Variants in COTL1 observed in about 807,000 individuals in gnomAD.
COTL1 encodes the protein coactosin-like protein.
A neutral mutation model predicts 16.5 loss-of-function variants in COTL1; 15 were observed. That is an observed-to-expected ratio of 0.91 (90% confidence interval 0.61 to 1.40). The LOEUF (loss-of-function observed/expected upper bound fraction) is 1.40. COTL1 is among the 40% of genes most tolerant of loss of function. The pLI, the probability that COTL1 is intolerant of heterozygous loss-of-function variation, is 0.00. For synonymous variants in COTL1, 112 were observed against 85.3 expected (o/e 1.31, Z -1.73); for missense variants, 220 against 201.5 (o/e 1.09, Z -0.56).
Position 84,566,565 on chromosome 16 carries a change from G to GAC in COTL1, c.*278_*279dup, listed in dbSNP as rs780718634. 3.5e-4 allele frequency: 130 copies of GAC among 374,392 alleles called. 1 individual carries two copies. The highest frequency in any genetic ancestry group is 6.0e-4 in the Non-Finnish European group (122 of 204,410). 23.2% of individuals were successfully genotyped at this position (374,392 alleles called of 1,614,324 possible). A position where few individuals can be genotyped will look rare whatever the true frequency, so the allele number is the denominator to read the frequency against. On this transcript the variant is annotated 3_prime_UTR_variant, in exon 4 of 4. Transcript: ENST00000262428. ...GCACCTCGGATCTGATGGCAGGCAG[G>GAC]ACCTTGCATCAAAATGACTTTTCTT...
intron 3 of COTL1, among the ~76,000 whole-genome samples, chr16:84,586,979 C>T (rs1412395991): frequency 1.3e-5 from 2 of 152,128 alleles, no homozygotes; most frequent in East Asian, 1.9e-4. Context: ...CTGGCGAGCC[C>T]CCTCCCTCTG....
intron 2 of COTL1, among the ~76,000 whole-genome samples, chr16:84,609,099 C>T (rs929470212): frequency 2.6e-5 from 4 of 152,156 alleles, no homozygotes; most frequent in African/African-American, 9.7e-5. Flanking sequence ...TCTCTCCTTC[C>T]CTTCTCGCCC....
chr16:84,615,323 C>G (rs759315879), intron 2 of COTL1, among the ~76,000 whole-genome samples: 11 of 152,226 alleles, frequency 7.2e-5, no homozygotes, highest in Non-Finnish European at 1.5e-4. Context: ...ACTCCCATCC[C>G]TGGGGGGCAG....
In COTL1 at chr16:84,590,460, G is replaced by T; in HGVS notation, c.161-198C>A. 1.9e-6 allele frequency: 1 copy of T among 525,172 alleles called. No homozygotes were observed. Among genetic ancestry groups the T allele is most frequent in the South Asian group, 3.0e-5 (1 of 33,498 alleles). 32.5% of individuals were successfully genotyped at this position (525,172 alleles called of 1,614,324 possible). ...CCTTGTCACACTCCCCTGAATCCTG[G>T]CAACAGTGCTGCAGGCTTCATGCCC... On this transcript the variant is annotated intron_variant, in intron 2 of 3. Transcript: ENST00000262428. The surrounding 1 kb of genome is among the most constrained non-coding windows in gnomAD (Gnocchi z 5.5).
At chr16:84,583,215 C>T (rs1182864372) in intron 3 of COTL1, among the ~76,000 whole-genome samples, 1 of 152,178 alleles carries the variant, frequency 6.6e-6, no homozygotes, top group Non-Finnish European at 1.5e-5. Context: ...TCAGCTTCTT[C>T]GGATCCCAAG....
At chr16:84,613,282 G>A (rs1022871840) in intron 2 of COTL1, among the ~76,000 whole-genome samples, 1 of 152,164 alleles carries the variant, frequency 6.6e-6, no homozygotes, top group African/African-American at 2.4e-5. Context: ...TTACAGGCAT[G>A]AGCCACGGCG....
intron 3 of COTL1, among the ~76,000 whole-genome samples, chr16:84,579,300 C>A (rs771150900): frequency 6.6e-6 from 1 of 152,230 alleles, no homozygotes; most frequent in Non-Finnish European, 1.5e-5. Flanking sequence ...AGTTCGCGAC[C>A]AGTCTGGCCA....
intron 2 of COTL1, among the ~76,000 whole-genome samples, chr16:84,591,872 T>TAAAATAAAATAAAATAAAAG (rs1274878263): frequency 1.0e-5 from 1 of 96,020 alleles, no homozygotes; most frequent in Non-Finnish European, 2.1e-5. Context: ...TAAAATAAAA[T>TAAAATAAAATAAAATAAAAG]AAAATAAAAA....
intron 2 of COTL1, among the ~76,000 whole-genome samples, chr16:84,603,755 C>T (rs542631308): frequency 9.9e-5 from 15 of 152,176 alleles, no homozygotes; most frequent in African/African-American, 3.6e-4. Context: ...CGCATCATGC[C>T]TGGGGACCCA....
chr16:84,581,622 G>C (rs1904596326), intron 3 of COTL1, among the ~76,000 whole-genome samples: 1 of 152,158 alleles, frequency 6.6e-6, no homozygotes, highest in Non-Finnish European at 1.5e-5. Flanking sequence ...TCCTGCCGCA[G>C]CCTCCGGAGT....
In COTL1 at chr16:84,617,538, C is replaced by A; in HGVS notation, c.123G>T (p.Gln41His). The change falls in exon 2 of 4, where the codon CAG becomes CAT. Residue 41 changes from glutamine to histidine, a missense_variant. Coordinates refer to ENST00000262428, the MANE Select transcript of COTL1 (RefSeq NM_021149.5). ...GGATGAAGTGCTGGTACTCCGCTCC[C>A]TGCTCGCCGGGGACGATGGTGGAGC... Reference protein sequence around the residue: ...YDGSTIVPGEQGAEYQHFIQQ... With the variant: ...YDGSTIVPGEHGAEYQHFIQQ... The A allele has an allele frequency of 1.3e-6, 2 of 1,557,932 alleles. No individual in the cohort carries two copies. Among genetic ancestry groups the A allele is most frequent in the Non-Finnish European group, 1.7e-6 (2 of 1,150,232 alleles).
At chr16:84,600,609 G>A (rs760193266) in intron 2 of COTL1, among the ~76,000 whole-genome samples, 12 of 152,310 alleles carry the variant, frequency 7.9e-5, no homozygotes, top group East Asian at 3.9e-4. Context: ...CACTGCGCCC[G>A]GCCAAGGCTC....
chr16:84,592,229 G>T (rs900242584), intron 2 of COTL1, among the ~76,000 whole-genome samples: 4 of 152,190 alleles, frequency 2.6e-5, no homozygotes, highest in African/African-American at 9.7e-5. Context: ...CTCTTGAGGG[G>T]ATCACATATC....
intron 3 of COTL1, among the ~76,000 whole-genome samples, chr16:84,581,430 G>A (rs1388859500): frequency 2.6e-5 from 4 of 152,126 alleles, no homozygotes; most frequent in Non-Finnish European, 5.9e-5. Flanking sequence ...CAGCAGCCTC[G>A]TAAATCTCAT....
intron 3 of COTL1, chr16:84,568,151 C>T (rs1904306831): frequency 6.6e-6 from 1 of 152,242 alleles, no homozygotes; most frequent in South Asian, 2.1e-4. Flanking sequence ...GCGTCTGCCA[C>T]CACACCCAGC....
intron 2 of COTL1, among the ~76,000 whole-genome samples, chr16:84,598,811 C>A (rs1209631839): frequency 2.2e-5 from 2 of 89,120 alleles, no homozygotes; most frequent in Non-Finnish European, 5.0e-5. Context: ...CGGCGGGGAC[C>A]AAGCGGCAGG....
chr16:84,605,191 C>G (rs1034804196), intron 2 of COTL1, among the ~76,000 whole-genome samples: 2 of 152,236 alleles, frequency 1.3e-5, no homozygotes, highest in Non-Finnish European at 2.9e-5. Context: ...AGAAGAGCCT[C>G]CCGTGGTCTT....
intron 3 of COTL1, among the ~76,000 whole-genome samples, chr16:84,579,073 A>G (rs1329225273): frequency 1.3e-5 from 2 of 150,776 alleles, no homozygotes; most frequent in African/African-American, 2.4e-5. Context: ...ACAGGCACAC[A>G]CACATCCACT....
intron 2 of COTL1, among the ~76,000 whole-genome samples, chr16:84,610,572 G>C (rs980260246): frequency 3.9e-5 from 6 of 152,168 alleles, no homozygotes; most frequent in Non-Finnish European, 8.8e-5. Flanking sequence ...CTAGATTTGA[G>C]TCACAAGGGC....
Sources: gnomAD v4.1 joint callset for allele counts (sites outside exome capture counted in the v4.1 genomes callset) on GRCh38, gnomAD v4.1.1 for gene constraint, Gnocchi (gnomAD v3.1) non-coding constraint, MANE v1.5 for transcripts, NCBI Gene and HGNC (gene_info 2026-07-23, HGNC 2026-07-21) for gene names.